The following LIPC variants were observed in gnomAD, a reference collection of about 807,000 sequenced individuals.
LIPC encodes the protein lipase C, hepatic type, also known as hepatic triacylglycerol lipase.
Under a neutral mutation model 50.7 loss-of-function variants are expected in LIPC, and 44 were observed. The observed-to-expected ratio is 0.87, with a 90% CI of 0.68 to 1.11. LIPC has a LOEUF of 1.11. Among genes scored for constraint, LIPC ranks in the 50% most tolerant of loss-of-function variants. The pLI is 0.00. For synonymous variants in LIPC, 271 were observed against 256.4 expected, an observed-to-expected ratio of 1.06 and a Z score of -0.54; for missense variants, 697 against 648.2, an observed-to-expected ratio of 1.08 and a Z score of -0.82.
intron 1 of LIPC, among the ~76,000 whole-genome samples, chr15:58,505,028 C>CT (rs1296535231): frequency 6.6e-6 from 1 of 152,236 alleles, no homozygotes; most frequent in Non-Finnish European, 1.5e-5. Flanking sequence ...CATGCAGAAG[C>CT]TGGAGGAACC....
chr15:58,440,927 G>A (rs1251465761), intron 1 of LIPC, among the ~76,000 whole-genome samples: 1 of 152,178 alleles, frequency 6.6e-6, no homozygotes, highest in African/African-American at 2.4e-5. Flanking sequence ...ATAAAAAGAA[G>A]TGGCCAGAGG....
At position 58,436,934 on chromosome 15, in the gene LIPC, A is replaced by G. The variant is rs140191213; in HGVS notation, c.88+4814A>G. The G allele has an allele frequency of 2.1e-4, 93 of 452,326 alleles. No individual in the cohort carries two copies. In the East Asian group the frequency reaches 5.8e-3, roughly 28 times the overall value. 28.0% of individuals were successfully genotyped at this position (452,326 alleles called of 1,614,324 possible). On this transcript the variant is annotated intron_variant, in intron 1 of 8. Coordinates refer to ENST00000299022, the MANE Select transcript of LIPC (RefSeq NM_000236.3). ...CCATCTAGGAAGAAAAAGAAAAAAT[A>G]TCCCATAGAACGGTGTTGATAGCAA...
chr15:58,540,295 TAAC>T (rs755177312), intron 2 of LIPC, among the ~76,000 whole-genome samples: 24 of 152,206 alleles, frequency 1.6e-4, no homozygotes, highest in Non-Finnish European at 2.8e-4. Flanking sequence ...CTAATATTAA[TAAC>T]AACAACAACT....
chr15:58,494,164 G>A (rs1465612083), intron 1 of LIPC, among the ~76,000 whole-genome samples: 3 of 152,222 alleles, frequency 2.0e-5, no homozygotes, highest in Admixed American at 6.5e-5. Context: ...TTCTCCCACA[G>A]CAAGAGAGAG....
intron 1 of LIPC, among the ~76,000 whole-genome samples, chr15:58,496,714 C>G (rs1210208456): frequency 7.0e-6 from 1 of 142,236 alleles, no homozygotes; most frequent in Non-Finnish European, 1.5e-5. Context: ...AGCAGAGAAC[C>G]CAAGCCCTGC....
chr15:58,443,362 T>C lies in LIPC; in HGVS notation c.88+11242T>C, dbSNP rs138984877. On this transcript the variant is annotated intron_variant, in intron 1 of 8. Transcript: ENST00000299022. ...TGGCCCAAGGGGAAAAACCTCTGGA[T>C]GAAGCCCTGGACCCCTCACATCTCA... is the stretch of plus-strand genomic sequence containing the variant. 1.7e-3 allele frequency among the ~76,000 whole-genome samples: 252 copies of C among 152,280 alleles called. 1 individual carries two copies. Among genetic ancestry groups the C allele is most frequent in the African/African-American group, 5.8e-3 (241 of 41,554 alleles).
intron 1 of LIPC, among the ~76,000 whole-genome samples, chr15:58,524,232 C>A (rs1892737873): frequency 6.6e-6 from 1 of 152,174 alleles, no homozygotes; most frequent in South Asian, 2.1e-4. Context: ...ACTTTGGCAA[C>A]TCAGCAGTAC....
intron 1 of LIPC, among the ~76,000 whole-genome samples, chr15:58,482,360 A>G (rs1265473428): frequency 6.6e-6 from 1 of 152,132 alleles, no homozygotes; most frequent in African/African-American, 2.4e-5. Context: ...TCTCCAGCTC[A>G]TGCTCTGTTC....
At chr15:58,503,826 G>C (rs1892063830) in intron 1 of LIPC, among the ~76,000 whole-genome samples, 2 of 152,154 alleles carry the variant, frequency 1.3e-5, no homozygotes, top group African/African-American at 4.8e-5. Flanking sequence ...ATGCCAGGCA[G>C]GTCTCCAGCA....
At chr15:58,567,378 T>C (rs28515698) in intron 8 of LIPC, among the ~76,000 whole-genome samples, 21,076 of 138,066 alleles carry the variant, frequency 0.15, 1,993 homozygotes, top group South Asian at 0.35. Context: ...TATATATATA[T>C]AGTGAACAGA....
At chr15:58,558,631 A>ACATGCTAGAGATCTAGGTTGCATTCTCC (rs562955063) in intron 6 of LIPC, among the ~76,000 whole-genome samples, 1 of 151,686 alleles carries the variant, frequency 6.6e-6, no homozygotes, top group Admixed American at 6.6e-5. Flanking sequence ...ATTGTGAACT[A>ACATGCTAGAGATCTAGGTTGCATTCTCC]TTATGAGAAT....
chr15:58,478,540 A>G (rs1251420372), intron 1 of LIPC, among the ~76,000 whole-genome samples: 1 of 152,182 alleles, frequency 6.6e-6, no homozygotes, highest in Non-Finnish European at 1.5e-5. Context: ...GCGCCCAGCC[A>G]GCTCACTCTC....
At chr15:58,503,242 A>G (rs1212910970) in intron 1 of LIPC, among the ~76,000 whole-genome samples, 2 of 152,172 alleles carry the variant, frequency 1.3e-5, no homozygotes, top group African/African-American at 4.8e-5. Flanking sequence ...GGTAGAACCA[A>G]GATTTTATTT....
intron 1 of LIPC, among the ~76,000 whole-genome samples, chr15:58,508,689 T>C (rs1314660180): frequency 6.6e-6 from 1 of 151,208 alleles, no homozygotes; most frequent in Non-Finnish European, 1.5e-5. Flanking sequence ...TCCTTACGAC[T>C]GACATAGTCC....
In LIPC at chr15:58,550,146, C is replaced by G. The variant is rs1370165177; in HGVS notation, c.1051+1574C>G. ...ACCTGGCATTTAGACCTGGGGCCTC[C>G]AAAGAGTGAGCAGAGTGATTTTTAA... On this transcript the variant is annotated intron_variant, in intron 6 of 8. Coordinates refer to ENST00000299022, the MANE Select transcript of LIPC (RefSeq NM_000236.3). Among the ~76,000 whole-genome samples, 8 of 152,216 alleles carry G rather than the reference C, an allele frequency of 5.3e-5. No individual in the cohort carries two copies. The East Asian group carries it at 1.5e-3, about 29-fold the overall frequency.
chr15:58,496,666 A>G (rs1401273399), intron 1 of LIPC, among the ~76,000 whole-genome samples: 2 of 151,312 alleles, frequency 1.3e-5, no homozygotes. Context: ...TACCTTAATT[A>G]TGCGTTAGCA....
intron 6 of LIPC, among the ~76,000 whole-genome samples, chr15:58,557,151 G>A (rs1164843440): frequency 1.3e-5 from 2 of 152,060 alleles, no homozygotes; most frequent in African/African-American, 2.4e-5. Flanking sequence ...TTCAAGTTCT[G>A]GAGTCAGGTT....
intron 1 of LIPC, among the ~76,000 whole-genome samples, chr15:58,514,308 G>A (rs1034398515): frequency 6.6e-6 from 1 of 152,222 alleles, no homozygotes; most frequent in Non-Finnish European, 1.5e-5. Flanking sequence ...GTCAAACAAT[G>A]TCTATAAGGC....
chr15:58,517,548 C>A (rs1459015141), intron 1 of LIPC, among the ~76,000 whole-genome samples: 1 of 152,178 alleles, frequency 6.6e-6, no homozygotes, highest in Non-Finnish European at 1.5e-5. Flanking sequence ...TGGAGAGCTG[C>A]AGGCTTAGAG....
Sources: gnomAD v4.1 joint callset for allele counts (sites outside exome capture counted in the v4.1 genomes callset) on GRCh38, gnomAD v4.1.1 for gene constraint, MANE v1.5 for transcripts, NCBI Gene and HGNC (gene_info 2026-07-23, HGNC 2026-07-21) for gene names.